The following TBC1D22A variants were observed in gnomAD, a reference collection of about 807,000 sequenced individuals.
The protein encoded by TBC1D22A is putative GTPase activator.
Under a neutral mutation model 60.2 loss-of-function variants are expected in TBC1D22A, and 38 were observed. The observed-to-expected ratio is 0.63, with a 90% CI of 0.49 to 0.83. TBC1D22A has a LOEUF of 0.83. TBC1D22A is among the 40% of genes least tolerant of loss of function. TBC1D22A has a pLI of 0.00. For missense variants in TBC1D22A, 628 were observed against 701.0 expected (o/e 0.90, Z 1.18); for synonymous variants, 302 against 281.7 (o/e 1.07, Z -0.72).
At chr22:47,146,314 G>A (rs2067284240) in intron 12 of TBC1D22A, among the ~76,000 whole-genome samples, 1 of 152,240 alleles carries the variant, frequency 6.6e-6, no homozygotes, top group Admixed American at 6.5e-5. Flanking sequence ...TGTTAAAAGG[G>A]TTGATGAACT....
At chr22:47,131,242 G>C (rs771194656) in intron 12 of TBC1D22A, among the ~76,000 whole-genome samples, 10 of 152,216 alleles carry the variant, frequency 6.6e-5, no homozygotes, top group Non-Finnish European at 1.0e-4. Flanking sequence ...CATTCAAACT[G>C]TATCACTGTC....
At chr22:47,042,091 G>A (rs1183808704) in intron 11 of TBC1D22A, among the ~76,000 whole-genome samples, 1 of 152,258 alleles carries the variant, frequency 6.6e-6, no homozygotes, top group Non-Finnish European at 1.5e-5. Flanking sequence ...TTTTATAGAA[G>A]ATGGAACTGG....
intron 4 of TBC1D22A, among the ~76,000 whole-genome samples, chr22:46,843,930 G>T (rs911516803): frequency 6.6e-6 from 1 of 152,010 alleles, no homozygotes; most frequent in Non-Finnish European, 1.5e-5. Flanking sequence ...GGCAGATGCC[G>T]TTGGCTGTGC....
At chr22:47,015,244 C>G (rs1048309903) in intron 10 of TBC1D22A, among the ~76,000 whole-genome samples, 1 of 152,188 alleles carries the variant, frequency 6.6e-6, no homozygotes, top group Non-Finnish European at 1.5e-5. Context: ...AGCCAGGATG[C>G]GGTTCCTGGC....
At chr22:46,806,023 T>A (rs2085118707) in intron 4 of TBC1D22A, among the ~76,000 whole-genome samples, 1 of 151,998 alleles carries the variant, frequency 6.6e-6, no homozygotes. Flanking sequence ...CGGCTAAGTT[T>A]TGTATTTTTA....
At chr22:47,110,664 A>G (rs1222154268) in intron 11 of TBC1D22A, among the ~76,000 whole-genome samples, 1 of 152,072 alleles carries the variant, frequency 6.6e-6, no homozygotes, top group Non-Finnish European at 1.5e-5. Flanking sequence ...TGCACTGTGC[A>G]TTGGATTTGT....
chr22:46,941,934 T>TACACAC (rs368425901), intron 8 of TBC1D22A, among the ~76,000 whole-genome samples: 77 of 138,506 alleles, frequency 5.6e-4, no homozygotes, highest in Middle Eastern at 7.1e-3. Context: ...TATGTATGTA[T>TACACAC]ACACACACAC....
chr22:47,018,091 C>T (rs1231620020), intron 10 of TBC1D22A, among the ~76,000 whole-genome samples: 2 of 152,244 alleles, frequency 1.3e-5, no homozygotes, highest in East Asian at 1.9e-4. Flanking sequence ...TCAGGCACCT[C>T]GTTCTGGGCA....
chr22:47,117,815 T>C (rs1250281618), intron 12 of TBC1D22A, among the ~76,000 whole-genome samples: 1 of 152,132 alleles, frequency 6.6e-6, no homozygotes, highest in East Asian at 1.9e-4. Context: ...TTTAAGCATA[T>C]TTAGTTGGAT....
At chr22:47,141,210 C>G (rs890052898) in intron 12 of TBC1D22A, among the ~76,000 whole-genome samples, 3 of 152,086 alleles carry the variant, frequency 2.0e-5, no homozygotes, top group African/African-American at 7.2e-5. Context: ...CTGGGAAAGA[C>G]CCACCTCCAT....
chr22:46,829,920 C>T (rs946740100), intron 4 of TBC1D22A, among the ~76,000 whole-genome samples: 5 of 152,134 alleles, frequency 3.3e-5, no homozygotes, highest in Non-Finnish European at 7.4e-5. Flanking sequence ...CCCAAGACAC[C>T]AGATTCAGTG....
At chr22:46,814,714 C>T (rs1490346623) in intron 4 of TBC1D22A, among the ~76,000 whole-genome samples, 1 of 151,638 alleles carries the variant, frequency 6.6e-6, no homozygotes, top group Non-Finnish European at 1.5e-5. Context: ...TGACAAGGTC[C>T]CGGCTCACTG....
At chr22:46,804,949 T>C (rs552700268) in intron 4 of TBC1D22A, among the ~76,000 whole-genome samples, 69 of 152,340 alleles carry the variant, frequency 4.5e-4, no homozygotes, top group African/African-American at 1.5e-3. Context: ...ACTTGAGCAA[T>C]TGTGCGACTG....
At chr22:46,972,941 G>T (rs753468088) in intron 8 of TBC1D22A, among the ~76,000 whole-genome samples, 12 of 152,224 alleles carry the variant, frequency 7.9e-5, no homozygotes, top group Non-Finnish European at 1.6e-4. Flanking sequence ...GATGTGTCCA[G>T]GGCTGTTGCC....
At chr22:46,862,283 C>T (rs6009003) in intron 4 of TBC1D22A, among the ~76,000 whole-genome samples, 45,406 of 152,076 alleles carry the variant, frequency 0.3, 6,790 homozygotes, top group Admixed American at 0.33. Context: ...CTGGCCCTCA[C>T]GAAGTGGGTC....
intron 11 of TBC1D22A, among the ~76,000 whole-genome samples, chr22:47,108,614 C>T (rs969834164): frequency 5.3e-5 from 8 of 152,216 alleles, no homozygotes; most frequent in African/African-American, 1.2e-4. Flanking sequence ...TCCACTACCT[C>T]GGTTGTGATG....
At position 46,878,739 on chromosome 22, in the gene TBC1D22A, C is replaced by A. The variant is rs1435472118; in HGVS notation, c.708+16C>A. 7 of 1,611,634 alleles carry A rather than the reference C, an allele frequency of 4.3e-6. No homozygotes were observed. The South Asian group carries it at 7.7e-5, about 18-fold the overall frequency. On this transcript the variant is annotated intron_variant, in intron 5 of 12. Coordinates refer to ENST00000337137, the MANE Select transcript of TBC1D22A (RefSeq NM_014346.5). ...GCTCCTCTCAGTAAGTCCCACCGCA[C>A]CGCCCATCAGCGCCTCCTTCCTGTG... is the stretch of plus-strand genomic sequence containing the variant.
chr22:46,769,414 A>G (rs801631), intron 1 of TBC1D22A, among the ~76,000 whole-genome samples: 23,069 of 152,250 alleles, frequency 0.15, 2,332 homozygotes, highest in African/African-American at 0.28. Context: ...GTGGCTCTTC[A>G]CGGCTGGACG....
Position 46,849,301 on chromosome 22 carries a change from C to G in TBC1D22A, c.638-29352C>G, listed in dbSNP as rs114516010. Among the ~76,000 whole-genome samples the G allele has an allele frequency of 9.0e-3, 1,368 of 152,318 alleles. 22 individuals carry two copies. The highest frequency in any genetic ancestry group is 0.031 in the African/African-American group (1,282 of 41,560). Reference sequence around the variant, plus strand: ...GGTGACCTGCCATCACTCAGGCAGCCCTAGCCTGCCCTCAAGGCCCTCTGC... The same window carrying G: ...GGTGACCTGCCATCACTCAGGCAGCGCTAGCCTGCCCTCAAGGCCCTCTGC... On this transcript the variant is annotated intron_variant, in intron 4 of 12. Transcript: ENST00000337137.
Sources: gnomAD v4.1 joint callset for allele counts (sites outside exome capture counted in the v4.1 genomes callset) on GRCh38, gnomAD v4.1.1 for gene constraint, MANE v1.5 for transcripts, NCBI Gene and HGNC (gene_info 2026-07-23, HGNC 2026-07-21) for gene names.